The following RBM46 variants were observed in gnomAD, a reference collection of about 807,000 sequenced individuals.
The protein encoded by RBM46 is RNA binding motif protein 46.
In RBM46, 12 loss-of-function variants were observed where a neutral mutation model predicts 43.3. The ratio of observed to expected loss-of-function variants is 0.28; its 90% CI spans 0.18 to 0.45. The LOEUF is 0.45. Among genes scored for constraint, RBM46 ranks in the 20% least tolerant of loss-of-function variants. The probability of loss-of-function intolerance (pLI) is 1.00; values close to 1 mark genes in which losing one functional copy is unlikely to be tolerated. For synonymous variants in RBM46, 205 were observed against 207.6 expected, an observed-to-expected ratio of 0.99 and a Z score of 0.11; for missense variants, 412 against 639.1, an observed-to-expected ratio of 0.64 and a Z score of 3.83.
intron 4 of RBM46, chr4:154,827,057 G>A: frequency 5.1e-6 from 6 of 1,176,528 alleles, no homozygotes; most frequent in Non-Finnish European, 6.3e-6. Context: ...GGAAGGTACA[G>A]GATTTAAAAA....
chr4:154,796,497 G>A (rs1272575524), intron 1 of RBM46, among the ~76,000 whole-genome samples: 1 of 151,184 alleles, frequency 6.6e-6, no homozygotes, highest in African/African-American at 2.4e-5. Context: ...CTTTTTCATT[G>A]TTTGTGTCCC....
In RBM46 at chr4:154,827,866, A is replaced by G. The variant is rs770595465; in HGVS notation, c.1403-2A>G. 1 of 1,613,606 alleles carries G rather than the reference A, an allele frequency of 6.2e-7. No individual in the cohort carries two copies. The highest frequency in any genetic ancestry group is 1.1e-5 in the South Asian group (1 of 91,074). On this transcript the variant is annotated splice_acceptor_variant, in intron 4 of 4. Coordinates refer to ENST00000281722, the MANE Select transcript of RBM46 (RefSeq NM_144979.5). LOFTEE classifies it high-confidence loss of function. The stretch of plus-strand genomic sequence containing the variant: ...CATAATTGTTCATGTATTTATTTAC[A>G]GACTACAATTTCCATCGCAGCTCAA...
intron 2 of RBM46, among the ~76,000 whole-genome samples, chr4:154,797,453 G>C (rs540510042): frequency 1.3e-5 from 2 of 152,158 alleles, no homozygotes; most frequent in Admixed American, 6.5e-5. Context: ...AATCTATGTT[G>C]CTCTGACATA....
At chr4:154,795,027 C>G (rs1445105012) in intron 1 of RBM46, among the ~76,000 whole-genome samples, 28 of 152,052 alleles carry the variant, frequency 1.8e-4, no homozygotes, top group Admixed American at 1.8e-3. Context: ...CTTAATAAAT[C>G]TTTGTTGAAC....
chr4:154,811,805 C>T (rs1010710387), intron 4 of RBM46, among the ~76,000 whole-genome samples: 23 of 151,682 alleles, frequency 1.5e-4, no homozygotes, highest in African/African-American at 4.8e-4. Context: ...CTCAGCCTCC[C>T]GAGTAGCTGG....
chr4:154,813,639 T>C (rs1052851088), intron 4 of RBM46, among the ~76,000 whole-genome samples: 1 of 152,034 alleles, frequency 6.6e-6, no homozygotes, highest in African/African-American at 2.4e-5. Context: ...AAATAGGAAA[T>C]GTCAGTCGCT....
chr4:154,787,951 T>C (rs1403715041), intron 1 of RBM46, among the ~76,000 whole-genome samples: 1 of 152,224 alleles, frequency 6.6e-6, no homozygotes, highest in South Asian at 2.1e-4. Flanking sequence ...TGAGCATTTT[T>C]TCATGTGTCT....
At chr4:154,813,395 T>G (rs1297889579) in intron 4 of RBM46, among the ~76,000 whole-genome samples, 3 of 152,066 alleles carry the variant, frequency 2.0e-5, no homozygotes, top group Non-Finnish European at 4.4e-5. Flanking sequence ...TATGGATGAT[T>G]TTATATTGGA....
At chr4:154,826,025 A>G (rs993090359) in intron 4 of RBM46, among the ~76,000 whole-genome samples, 4 of 152,202 alleles carry the variant, frequency 2.6e-5, no homozygotes, top group African/African-American at 7.2e-5. Flanking sequence ...CTGTATTTGC[A>G]TAATAATTTT....
intron 4 of RBM46, among the ~76,000 whole-genome samples, chr4:154,815,633 G>C (rs545517306): frequency 1.3e-5 from 2 of 151,882 alleles, no homozygotes; most frequent in South Asian, 2.1e-4. Context: ...TTCAAGTCTT[G>C]CTCCTTCATT....
chr4:154,801,499 A>G (rs762159376), intron 4 of RBM46, among the ~76,000 whole-genome samples: 6 of 152,226 alleles, frequency 3.9e-5, no homozygotes, highest in Non-Finnish European at 8.8e-5. Flanking sequence ...TAGACAGCAA[A>G]TAATTCAAAT....
chr4:154,806,849 A>G (rs1734930867), intron 4 of RBM46, among the ~76,000 whole-genome samples: 2 of 151,880 alleles, frequency 1.3e-5, no homozygotes, highest in Admixed American at 1.3e-4. Flanking sequence ...GATCTAGGAA[A>G]ATAATGATGT....
At chr4:154,816,328 A>C (rs1735441436) in intron 4 of RBM46, among the ~76,000 whole-genome samples, 1 of 152,072 alleles carries the variant, frequency 6.6e-6, no homozygotes, top group Non-Finnish European at 1.5e-5. Context: ...TCAGTTTGGG[A>C]ACAATAACAT....
At chr4:154,818,185 C>T (rs961324309) in intron 4 of RBM46, among the ~76,000 whole-genome samples, 2 of 152,030 alleles carry the variant, frequency 1.3e-5, no homozygotes, top group Non-Finnish European at 2.9e-5. Flanking sequence ...ATTTCCTTTG[C>T]CCTCTGTTTC....
chr4:154,822,142 TA>T (rs1259305054), intron 4 of RBM46, among the ~76,000 whole-genome samples: 1 of 151,808 alleles, frequency 6.6e-6, no homozygotes, highest in Non-Finnish European at 1.5e-5. Flanking sequence ...ACTTAAAGTG[TA>T]CAATTTGGTT....
Position 154,799,280 on chromosome 4 carries a change from A to G in RBM46, c.1118A>G (p.Tyr373Cys), listed in dbSNP as rs1432142597. Residue 373 changes from tyrosine to cysteine, a missense_variant, in exon 4 of 5, where the codon TAT becomes TGT. Tyr to Cys is a radical substitution (Grantham distance 194). Transcript: ENST00000281722. ...PEVERCTYPF[Y>C]PGTKLTPISM... Reference sequence around the variant, plus strand: ...GTTGAAAGATGCACTTACCCTTTTTATCCTGGAACAAAGCTTACTCCAATT... The same window carrying G: ...GTTGAAAGATGCACTTACCCTTTTTGTCCTGGAACAAAGCTTACTCCAATT... 3 of 1,614,214 alleles carry G rather than the reference A, an allele frequency of 1.9e-6. No homozygotes were observed. The African/African-American group carries it at 4.0e-5, about 22-fold the overall frequency.
intron 1 of RBM46, among the ~76,000 whole-genome samples, chr4:154,782,288 T>G (rs1269327313): frequency 6.6e-6 from 1 of 152,238 alleles, no homozygotes; most frequent in Non-Finnish European, 1.5e-5. Context: ...GTTGATATTC[T>G]GAGATATTGC....
intron 1 of RBM46, among the ~76,000 whole-genome samples, chr4:154,786,232 G>A (rs1019147664): frequency 4.9e-4 from 75 of 152,110 alleles, no homozygotes; most frequent in African/African-American, 1.5e-3. Flanking sequence ...GATTACAGGC[G>A]CATGCCACCA....
intron 4 of RBM46, among the ~76,000 whole-genome samples, chr4:154,811,651 A>ATGTGTGTG (rs751963103): frequency 3.0e-4 from 40 of 132,618 alleles, no homozygotes; most frequent in South Asian, 2.4e-3. Context: ...TAGATAGGAT[A>ATGTGTGTG]TGTGTGTGTG....
Sources: allele counts gnomAD v4.1 joint callset (sites outside exome capture counted in the v4.1 genomes callset), GRCh38; gene constraint gnomAD v4.1.1; transcripts MANE v1.5; gene names NCBI Gene and HGNC (gene_info 2026-07-23, HGNC 2026-07-21).